The following PRKAR1B variants were observed in gnomAD, a reference collection of about 807,000 sequenced individuals.
The protein encoded by PRKAR1B is cAMP-dependent protein kinase type I-beta regulatory subunit.
Under a neutral mutation model 46.5 loss-of-function variants are expected in PRKAR1B, and 22 were observed. The observed-to-expected ratio is 0.47, with a 90% confidence interval of 0.34 to 0.68. PRKAR1B has a LOEUF of 0.68. Ranked by LOEUF, PRKAR1B falls within the 30% of genes least tolerant of loss-of-function variation. The pLI is 0.01. For synonymous variants in PRKAR1B, 259 were observed against 217.7 expected, an observed-to-expected ratio of 1.19 and a Z score of -1.67; for missense variants, 445 against 535.6, an observed-to-expected ratio of 0.83 and a Z score of 1.67.
intron 4 of PRKAR1B, among the ~76,000 whole-genome samples, chr7:651,045 T>C (rs1255771448): frequency 6.6e-6 from 1 of 152,202 alleles, no homozygotes; most frequent in Non-Finnish European, 1.5e-5. Flanking sequence ...CCCTGCTGCC[T>C]TCTGGAAGCT....
rs150455473 is a variant in PRKAR1B at position 580,359 on chromosome 7, G to A, written c.770-982C>T. On this transcript the variant is annotated intron_variant, in intron 8 of 10. Transcript: ENST00000537384. Reference sequence around the variant, plus strand: ...GCCTGAGCTCAGGAGTTCGAGACCAGCCTGGTCAACATGGCAAAACCCCAT... The same window carrying A: ...GCCTGAGCTCAGGAGTTCGAGACCAACCTGGTCAACATGGCAAAACCCCAT... Among the ~76,000 whole-genome samples, 1,047 of 152,004 alleles carry A rather than the reference G, an allele frequency of 6.9e-3. 7 individuals carry two copies. The highest frequency in any genetic ancestry group is 0.017 in the Middle Eastern group (5 of 288).
intron 4 of PRKAR1B, among the ~76,000 whole-genome samples, chr7:626,184 T>G (rs770332338): frequency 2.7e-4 from 41 of 152,124 alleles, no homozygotes; most frequent in Non-Finnish European, 4.4e-4. Context: ...ATTATTAACC[T>G]TTCAAAACAA....
intron 7 of PRKAR1B, among the ~76,000 whole-genome samples, chr7:585,326 C>T (rs1365473510): frequency 6.6e-6 from 1 of 152,192 alleles, no homozygotes; most frequent in African/African-American, 2.4e-5. Flanking sequence ...CCTCTCAACC[C>T]TCTGCCTGGG....
chr7:611,344 G>A lies in PRKAR1B; in HGVS notation c.441-3892C>T, dbSNP rs182980154. 2.7e-3 allele frequency among the ~76,000 whole-genome samples: 418 copies of A among 152,236 alleles called. 3 individuals are homozygous for A. Among genetic ancestry groups the A allele is most frequent in the Admixed American group, 6.4e-3 (98 of 15,298 alleles). ...ATTGAGGGCCTGAGCGTCTGGGACG[G>A]CCACCCCCAGCTCTCTCTGGGCAGG... On this transcript the variant is annotated intron_variant, in intron 4 of 10. Transcript: ENST00000537384.
At chr7:595,799 C>A (rs766043187) in intron 7 of PRKAR1B, among the ~76,000 whole-genome samples, 52 of 152,348 alleles carry the variant, frequency 3.4e-4, no homozygotes, top group Middle Eastern at 3.4e-3. Flanking sequence ...CGGCAGGGAA[C>A]CACGCTCCTC....
At chr7:612,910 T>C (rs1489806128) in intron 4 of PRKAR1B, among the ~76,000 whole-genome samples, 1 of 152,212 alleles carries the variant, frequency 6.6e-6, no homozygotes, top group Non-Finnish European at 1.5e-5. Context: ...AGAGGCTTTA[T>C]TAAATAAACG....
rs140356121 is a variant in PRKAR1B, at chr7:691,255, G to A, written c.178-10529C>T. ...CTGCAAATCCTACCCGAAGGGTCCC[G>A]CGCCCACCCAAACTCGCCAGTGGAA... On this transcript the variant is annotated intron_variant, in intron 2 of 10. Coordinates refer to ENST00000537384, the MANE Select transcript of PRKAR1B (RefSeq NM_001164760.2). 2.1e-4 allele frequency among the ~76,000 whole-genome samples: 32 copies of A among 152,130 alleles called. No individual in the cohort carries two copies. In the East Asian group the frequency reaches 3.1e-3, roughly 15 times the overall value.
chr7:718,738 G>A (rs1023434601), intron 1 of PRKAR1B, among the ~76,000 whole-genome samples: 1 of 151,774 alleles, frequency 6.6e-6, no homozygotes, highest in Admixed American at 6.6e-5. Context: ...CTGCCTTCCT[G>A]GGACATCTAT....
intron 4 of PRKAR1B, among the ~76,000 whole-genome samples, chr7:621,452 G>C (rs1783104476): frequency 6.6e-6 from 1 of 152,204 alleles, no homozygotes; most frequent in Non-Finnish European, 1.5e-5. Context: ...AGAAAAGTCT[G>C]ACAACACAGG....
intron 9 of PRKAR1B, among the ~76,000 whole-genome samples, chr7:569,457 C>T (rs1358307220): frequency 2.6e-5 from 4 of 152,240 alleles, no homozygotes; most frequent in East Asian, 3.8e-4. Context: ...CTGGGCCGAA[C>T]GTCCAGCTCA....
Position 596,175 on chromosome 7 carries a change from C to A in PRKAR1B, c.679G>T (p.Asp227Tyr), listed in dbSNP as rs1189087134. Residue 227 changes from aspartate (D) to tyrosine (Y), a missense_variant, in exon 7 of 11, where the codon GAC becomes TAC. Coordinates refer to ENST00000537384, the MANE Select transcript of PRKAR1B (RefSeq NM_001164760.2). Reference protein sequence around the residue: ...AKTDLKLWGIDRDSYRRILMG... With the variant: ...AKTDLKLWGIYRDSYRRILMG... ...AGGATGCGCCGGTAGCTGTCCCGGT[C>A]GATCCCCCAGAGCTTGAGGTCCGTC... is the stretch of plus-strand genomic sequence containing the variant. 6.2e-7 allele frequency: 1 copy of A among 1,613,786 alleles called. No homozygotes were observed. Among genetic ancestry groups the A allele is most frequent in the African/African-American group, 1.3e-5 (1 of 74,948 alleles).
intron 6 of PRKAR1B, among the ~76,000 whole-genome samples, chr7:601,547 G>A (rs562118484): frequency 2.0e-5 from 3 of 152,336 alleles, no homozygotes; most frequent in Non-Finnish European, 4.4e-5. Context: ...CGGGCCCTGC[G>A]GATTTACCCT....
chr7:686,704 G>C (rs1241166249), intron 2 of PRKAR1B, among the ~76,000 whole-genome samples: 2 of 152,032 alleles, frequency 1.3e-5, no homozygotes, highest in African/African-American at 4.8e-5. Context: ...ACATATTTTT[G>C]AAAGCATCAG....
At chr7:684,519 C>G (rs559244560) in intron 2 of PRKAR1B, among the ~76,000 whole-genome samples, 8 of 152,196 alleles carry the variant, frequency 5.3e-5, no homozygotes, top group Non-Finnish European at 1.2e-4. Context: ...TGGAATTTGA[C>G]ATTCAGACGA....
chr7:661,869 T>C (rs1278180158), intron 4 of PRKAR1B, among the ~76,000 whole-genome samples: 4 of 11,582 alleles, frequency 3.5e-4, no homozygotes, highest in Non-Finnish European at 5.9e-4. Context: ...AGGTCCCTAC[T>C]CCAACAGGTC....
chr7:575,200 A>G (rs1016188219), intron 9 of PRKAR1B, among the ~76,000 whole-genome samples: 2 of 152,182 alleles, frequency 1.3e-5, no homozygotes, highest in African/African-American at 4.8e-5. Context: ...TCATCGGAAG[A>G]CCCAGCTGGC....
chr7:692,699 G>C (rs1779502615), intron 2 of PRKAR1B, among the ~76,000 whole-genome samples: 1 of 152,126 alleles, frequency 6.6e-6, no homozygotes, highest in Non-Finnish European at 1.5e-5. Flanking sequence ...GCTCATACCA[G>C]AGTAATTTTT....
At chr7:685,386 A>ATATG (rs1300645858) in intron 2 of PRKAR1B, among the ~76,000 whole-genome samples, 3 of 716 alleles carry the variant, frequency 4.2e-3, no homozygotes, top group Non-Finnish European at 0.014. Flanking sequence ...ATATACATAC[A>ATATG]TATATATATA....
At chr7:550,815 G>A (rs1003762395) in intron 10 of PRKAR1B, among the ~76,000 whole-genome samples, 8 of 152,318 alleles carry the variant, frequency 5.3e-5, no homozygotes, top group South Asian at 4.1e-4. Flanking sequence ...TGAAATTCAC[G>A]TTCAGCTAGC....
Sources: allele counts gnomAD v4.1 joint callset (sites outside exome capture counted in the v4.1 genomes callset), GRCh38; gene constraint gnomAD v4.1.1; transcripts MANE v1.5; gene names NCBI Gene and HGNC (gene_info 2026-07-23, HGNC 2026-07-21).